GRID2: variants seen among roughly 807,000 people sequenced by gnomAD.
GRID2 encodes glutamate receptor ionotropic, delta-2.
Under a neutral mutation model 114.8 loss-of-function variants are expected in GRID2, and 33 were observed. The observed-to-expected ratio is 0.29, with a 90% CI of 0.22 to 0.38. The LOEUF (loss-of-function observed/expected upper bound fraction) is 0.38, where lower values mean the gene tolerates loss of function less well. GRID2 is among the 10% of genes least tolerant of loss of function. GRID2 has a pLI of 1.00. For synonymous variants in GRID2, 505 were observed against 449.9 expected (o/e 1.12, Z -1.55); for missense variants, 1,184 against 1,257.7 (o/e 0.94, Z 0.89).
At chr4:93,776,297 C>T (rs1042523052), downstream of GRID2, among the ~76,000 whole-genome samples, 1 of 152,180 alleles carries the variant, frequency 6.6e-6, no homozygotes, top group South Asian at 2.1e-4. Flanking sequence ...TTGGTAGACA[C>T]TCTGTCAACA....
At chr4:93,158,569 A>AT (rs542507635) in intron 4 of GRID2, among the ~76,000 whole-genome samples, 190 of 151,568 alleles carry the variant, frequency 1.3e-3, no homozygotes, top group African/African-American at 4.2e-3. Flanking sequence ...TCATATTTGC[A>AT]TTTTTTTTGT....
At chr4:92,587,098 CTG>C (rs70942914) in intron 1 of GRID2, among the ~76,000 whole-genome samples, 9,827 of 133,642 alleles carry the variant, frequency 0.074, 351 homozygotes, top group African/African-American at 0.12. Flanking sequence ...TGATGAAATG[CTG>C]TGTGTGTGTG....
intron 13 of GRID2, among the ~76,000 whole-genome samples, chr4:93,542,156 C>T (rs1431336863): frequency 6.6e-6 from 1 of 152,082 alleles, no homozygotes; most frequent in East Asian, 1.9e-4. Flanking sequence ...TAGACTGGGG[C>T]AAAGTGTGGG....
chr4:93,154,436 A>T (rs749738938), intron 4 of GRID2, among the ~76,000 whole-genome samples: 2 of 151,896 alleles, frequency 1.3e-5, no homozygotes, highest in African/African-American at 4.8e-5. Context: ...CCTTGCCTTT[A>T]TCTCTTCTGA....
chr4:93,724,965 T>A (rs1729714941), intron 14 of GRID2, among the ~76,000 whole-genome samples: 1 of 151,938 alleles, frequency 6.6e-6, no homozygotes, highest in Admixed American at 6.6e-5. Flanking sequence ...TTTTTTTTAG[T>A]AGAGATGAGT....
At chr4:93,374,309 G>A (rs189981027) in intron 8 of GRID2, among the ~76,000 whole-genome samples, 91 of 152,270 alleles carry the variant, frequency 6.0e-4, no homozygotes, top group Non-Finnish European at 1.0e-3. Flanking sequence ...TAATGATGGA[G>A]CACATGTGAG....
chr4:92,637,337 T>C (rs1731117112), intron 2 of GRID2, among the ~76,000 whole-genome samples: 1 of 152,044 alleles, frequency 6.6e-6, no homozygotes, highest in African/African-American at 2.4e-5. Context: ...TGGGAAGAAG[T>C]TATAAGCAGT....
chr4:93,140,164 T>TTC, intron 4 of GRID2, among the ~76,000 whole-genome samples: 1 of 146,018 alleles, frequency 6.8e-6, no homozygotes, highest in Admixed American at 6.8e-5. Context: ...TCTTTTCTTT[T>TTC]TTTTTTTTTT....
At chr4:93,495,215 A>G (rs894363190) in intron 12 of GRID2, among the ~76,000 whole-genome samples, 2 of 151,750 alleles carry the variant, frequency 1.3e-5, no homozygotes, top group African/African-American at 2.4e-5. Context: ...CACTGAATCT[A>G]ACTAATATGG....
chr4:92,317,257 A>G (rs979279076), intron 1 of GRID2, among the ~76,000 whole-genome samples: 11 of 152,246 alleles, frequency 7.2e-5, no homozygotes, highest in Non-Finnish European at 1.0e-4. Context: ...GACATTTATG[A>G]CATTTGACAT....
intron 10 of GRID2, among the ~76,000 whole-genome samples, chr4:93,449,509 T>A (rs572534443): frequency 6.6e-6 from 1 of 152,230 alleles, no homozygotes; most frequent in African/African-American, 2.4e-5. Context: ...TTTAGATGAT[T>A]AAAATAGCAG....
At chr4:92,987,158 A>C (rs1197745351) in intron 2 of GRID2, among the ~76,000 whole-genome samples, 1 of 152,194 alleles carries the variant, frequency 6.6e-6, no homozygotes, top group African/African-American at 2.4e-5. Flanking sequence ...TTCAGAAAGG[A>C]AATTACTGTT....
In GRID2 at chr4:92,499,824, A is replaced by G. The variant is rs137928523; in HGVS notation, c.89-90307A>G. Among the ~76,000 whole-genome samples the G allele has an allele frequency of 6.1e-4, 93 of 152,310 alleles. No individual in the cohort carries two copies. The East Asian group carries it at 0.017, about 28-fold the overall frequency. On this transcript the variant is annotated intron_variant, in intron 1 of 15. Coordinates refer to ENST00000282020, the MANE Select transcript of GRID2 (RefSeq NM_001510.4). The stretch of plus-strand genomic sequence containing the variant: ...GACACAGGGTTTCACCATGTTGGCC[A>G]GGTTGGTCTTGAACTCCTGATCTCA...
chr4:93,093,647 C>T (rs1730962878), intron 3 of GRID2, among the ~76,000 whole-genome samples: 1 of 151,904 alleles, frequency 6.6e-6, no homozygotes, highest in Non-Finnish European at 1.5e-5. Flanking sequence ...CCACTGAAAC[C>T]CCCACCAAAT....
At chr4:93,531,646 C>T (rs1050238904) in intron 13 of GRID2, among the ~76,000 whole-genome samples, 20 of 151,896 alleles carry the variant, frequency 1.3e-4, no homozygotes, top group South Asian at 2.1e-4. Flanking sequence ...AATAGATAAA[C>T]AAAAACAAGT....
intron 3 of GRID2, among the ~76,000 whole-genome samples, chr4:93,095,207 T>C (rs1190716128): frequency 2.0e-5 from 3 of 152,048 alleles, no homozygotes; most frequent in Admixed American, 2.0e-4. Context: ...ACATGTATCA[T>C]GGTGGTTTGT....
chr4:92,612,004 T>C (rs1729773101), intron 2 of GRID2, among the ~76,000 whole-genome samples: 1 of 151,560 alleles, frequency 6.6e-6, no homozygotes, highest in Non-Finnish European at 1.5e-5. Context: ...TTTGCTGCAG[T>C]TATTTTTTAA....
chr4:93,590,553 C>T (rs929427018), intron 13 of GRID2, among the ~76,000 whole-genome samples: 1 of 151,746 alleles, frequency 6.6e-6, no homozygotes, highest in African/African-American at 2.4e-5. Flanking sequence ...TTTTTGGTTC[C>T]ATATGAACTT....
chr4:92,384,860 C>T (rs1236119363), intron 1 of GRID2, among the ~76,000 whole-genome samples: 1 of 149,832 alleles, frequency 6.7e-6, no homozygotes, highest in African/African-American at 2.5e-5. Flanking sequence ...CGTAAAGATT[C>T]ACGACGCATT....
Sources: allele counts gnomAD v4.1 joint callset (sites outside exome capture counted in the v4.1 genomes callset), GRCh38; gene constraint gnomAD v4.1.1; transcripts MANE v1.5; gene names NCBI Gene and HGNC (gene_info 2026-07-23, HGNC 2026-07-21).